PAPPA: variants seen among roughly 807,000 people sequenced by gnomAD.
PAPPA encodes pappalysin 1.
In PAPPA, 60 loss-of-function variants were observed where a neutral mutation model predicts 164.0. The observed-to-expected ratio is 0.37, with a 90% confidence interval of 0.30 to 0.45. The LOEUF is 0.45. Among genes scored for constraint, PAPPA ranks in the 20% least tolerant of loss-of-function variants. The probability of loss-of-function intolerance (pLI) is 1.00; values close to 1 mark genes in which losing one functional copy is unlikely to be tolerated. For synonymous variants in PAPPA, 875 were observed against 814.1 expected, an observed-to-expected ratio of 1.07 and a Z score of -1.27; for missense variants, 1,782 against 2,087.3, an observed-to-expected ratio of 0.85 and a Z score of 2.85.
At chr9:116,286,900 G>A (rs1845346404) in intron 9 of PAPPA, 2 of 152,056 alleles carry the variant, frequency 1.3e-5, no homozygotes, top group Admixed American at 6.6e-5. Flanking sequence ...AAGAGGAAAC[G>A]GACTCAGGGC....
intron 2 of PAPPA, among the ~76,000 whole-genome samples, chr9:116,197,304 C>A (rs1409204991): frequency 6.6e-6 from 1 of 152,136 alleles, no homozygotes; most frequent in East Asian, 1.9e-4. Flanking sequence ...ACTGGAGACG[C>A]CAAGGGATAT....
At chr9:116,243,013 T>G (rs902431435) in intron 7 of PAPPA, among the ~76,000 whole-genome samples, 2 of 152,224 alleles carry the variant, frequency 1.3e-5, no homozygotes, top group Non-Finnish European at 2.9e-5. Context: ...GGGCCTCATC[T>G]TTAATCTCCT....
chr9:116,314,060 C>CTTTTTTTTTTTTTTTTTTTTTTTT (rs57871796), intron 10 of PAPPA, among the ~76,000 whole-genome samples: 2 of 69,728 alleles, frequency 2.9e-5, no homozygotes, highest in African/African-American at 5.0e-5. Flanking sequence ...TGCATCGAAT[C>CTTTTTTTTTTTTTTTTTTTTTTTT]TTTTTTTTTT....
At chr9:116,367,885 C>A in intron 19 of PAPPA, 131 bp downstream of exon 19, 1 of 686,356 alleles carries the variant, frequency 1.5e-6, no homozygotes, top group Non-Finnish European at 2.6e-6. Flanking sequence ...CACACCTGCC[C>A]TGTGGGTGTG....
At chr9:116,272,371 G>A (rs564498672) in intron 9 of PAPPA, among the ~76,000 whole-genome samples, 15 of 152,326 alleles carry the variant, frequency 9.8e-5, no homozygotes, top group Middle Eastern at 3.4e-3. Flanking sequence ...GAAAACCTTC[G>A]TGGGAAGATT....
At chr9:116,254,078 G>T (rs961824213) in intron 7 of PAPPA, among the ~76,000 whole-genome samples, 1 of 152,006 alleles carries the variant, frequency 6.6e-6, no homozygotes, top group Non-Finnish European at 1.5e-5. Context: ...TACCTCCTTG[G>T]GAAATTTTCT....
chr9:116,192,329 G>C (rs1033008085), intron 2 of PAPPA, among the ~76,000 whole-genome samples: 1 of 152,140 alleles, frequency 6.6e-6, no homozygotes, highest in African/African-American at 2.4e-5. Context: ...GTGAGGAGTG[G>C]TGTATAGAAG....
chr9:116,238,460 T>G (rs1844697339), intron 7 of PAPPA, among the ~76,000 whole-genome samples: 1 of 152,228 alleles, frequency 6.6e-6, no homozygotes, highest in African/African-American at 2.4e-5. Flanking sequence ...CACAAATATG[T>G]AATGAGAACA....
intron 7 of PAPPA, among the ~76,000 whole-genome samples, chr9:116,258,968 T>C (rs1029176269): frequency 2.6e-5 from 4 of 151,984 alleles, no homozygotes; most frequent in African/African-American, 9.6e-5. Flanking sequence ...ACCCCATCTC[T>C]ACTAAAAATA....
chr9:116,293,823 C>T (rs373449281), intron 9 of PAPPA, among the ~76,000 whole-genome samples: 27 of 152,148 alleles, frequency 1.8e-4, no homozygotes, highest in East Asian at 5.8e-4. Context: ...GGCTTGGTGG[C>T]GCATTCCTGT....
At chr9:116,338,381 T>C (rs1564231749) in intron 13 of PAPPA, among the ~76,000 whole-genome samples, 1 of 152,166 alleles carries the variant, frequency 6.6e-6, no homozygotes, top group Non-Finnish European at 1.5e-5. Context: ...GTTCTTCACA[T>C]GGCTAGATTA....
chr9:116,386,548 G>GGACTT (rs1483120935), intron 21 of PAPPA, among the ~76,000 whole-genome samples: 1 of 152,104 alleles, frequency 6.6e-6, no homozygotes, highest in Admixed American at 6.5e-5. Flanking sequence ...AGTACATATG[G>GGACTT]GACTTGCCCA....
rs192524795 is a variant in PAPPA, at chr9:116,271,659, G to A, written c.2953+243G>A. On this transcript the variant is annotated intron_variant, in intron 9 of 21. Coordinates refer to ENST00000328252, the MANE Select transcript of PAPPA (RefSeq NM_002581.5). The surrounding 1 kb of genome is among the most constrained non-coding windows in gnomAD (Gnocchi z 4.2). Reference sequence around the variant, plus strand: ...AGCTCTCATAGATGATGCCAATGACGGGTAACTTCTTTTGATCAAGCTTTA... The same window carrying A: ...AGCTCTCATAGATGATGCCAATGACAGGTAACTTCTTTTGATCAAGCTTTA... 5.5e-4 allele frequency among the ~76,000 whole-genome samples: 84 copies of A among 152,266 alleles called. No homozygotes were observed. The highest frequency in any genetic ancestry group is 4.9e-3 in the Admixed American group (75 of 15,284).
At chr9:116,228,165 G>A (rs902797261) in intron 6 of PAPPA, among the ~76,000 whole-genome samples, 1 of 152,196 alleles carries the variant, frequency 6.6e-6, no homozygotes, top group African/African-American at 2.4e-5. Flanking sequence ...AATGATCTCT[G>A]TGCTTTCTTA....
intron 2 of PAPPA, among the ~76,000 whole-genome samples, chr9:116,197,736 A>C (rs561149793): frequency 2.1e-4 from 32 of 152,332 alleles, no homozygotes; most frequent in African/African-American, 7.5e-4. Context: ...AGGGACCTAC[A>C]TCTACTGTAC....
chr9:116,219,580 G>A (rs1844417004), intron 4 of PAPPA, among the ~76,000 whole-genome samples: 2 of 152,080 alleles, frequency 1.3e-5, no homozygotes, highest in Non-Finnish European at 2.9e-5. Flanking sequence ...GGGAGTAATG[G>A]AATTGTTGAC....
At chr9:116,326,588 G>A (rs1845923089) in intron 10 of PAPPA, among the ~76,000 whole-genome samples, 1 of 148,476 alleles carries the variant, frequency 6.7e-6, no homozygotes, top group African/African-American at 2.5e-5. Context: ...ATTGTGGGAA[G>A]AGCACACCGT....
chr9:116,310,109 G>A (rs1204840133), intron 10 of PAPPA, among the ~76,000 whole-genome samples: 1 of 152,174 alleles, frequency 6.6e-6, no homozygotes, highest in Non-Finnish European at 1.5e-5. Context: ...GCTAATTAGA[G>A]TGTGCTATTT....
At chr9:116,394,486 A>ATGAT (rs1185037726) in intron 21 of PAPPA, among the ~76,000 whole-genome samples, 3 of 152,200 alleles carry the variant, frequency 2.0e-5, no homozygotes, top group Admixed American at 6.5e-5. Context: ...TTTGGCTTTC[A>ATGAT]TGATAGTACT....
Sources: gnomAD v4.1 joint callset for allele counts (sites outside exome capture counted in the v4.1 genomes callset) on GRCh38, gnomAD v4.1.1 for gene constraint, Gnocchi (gnomAD v3.1) non-coding constraint, MANE v1.5 for transcripts, NCBI Gene and HGNC (gene_info 2026-07-23, HGNC 2026-07-21) for gene names.